FRMPD4: variants seen among roughly 807,000 people sequenced by gnomAD.
FRMPD4 encodes the protein FERM and PDZ domain-containing protein 4.
FRMPD4 carries 22 observed loss-of-function variants against 94.1 expected under a neutral mutation model. That is an observed-to-expected ratio of 0.23 (90% CI 0.17 to 0.33). The LOEUF is 0.33. Ranked by LOEUF, FRMPD4 falls within the 10% of genes least tolerant of loss-of-function variation. The probability of loss-of-function intolerance (pLI) is 1.00; values close to 1 mark genes in which losing one functional copy is unlikely to be tolerated. For missense variants in FRMPD4, 1,111 were observed against 1,339.9 expected (o/e 0.83, Z 2.67); for synonymous variants, 631 against 548.6 (o/e 1.15, Z -2.10).
intron 2 of FRMPD4, among the ~76,000 whole-genome samples, chrX:12,597,866 CAGAG>C (rs1399503988): frequency 8.9e-6 from 1 of 111,928 alleles, no homozygotes; most frequent in Non-Finnish European, 1.9e-5. Flanking sequence ...AAAACTTTGA[CAGAG>C]AGACAAACAA....
chrX:12,122,708 C>T (rs2055466111), intron 3 of FRMPD4, among the ~76,000 whole-genome samples: 1 of 110,268 alleles, frequency 9.1e-6, no homozygotes, highest in African/African-American at 3.3e-5. Context: ...TAAGGTTTGC[C>T]AATAATTGTA....
At chrX:12,369,063 C>G (rs913701856) in intron 1 of FRMPD4, among the ~76,000 whole-genome samples, 1 of 110,544 alleles carries the variant, frequency 9.0e-6, no homozygotes, top group African/African-American at 3.3e-5. Flanking sequence ...GCTACTCTCT[C>G]TCTCTCTTCA....
At chrX:12,260,118 T>C (rs1190044118) in intron 1 of FRMPD4, among the ~76,000 whole-genome samples, 1 of 111,573 alleles carries the variant, frequency 9.0e-6, no homozygotes, top group East Asian at 2.8e-4. Flanking sequence ...TCCCTGGTTG[T>C]CACCTTGGCC....
intron 3 of FRMPD4, among the ~76,000 whole-genome samples, chrX:12,106,941 T>TCTGC: frequency 9.0e-6 from 1 of 111,255 alleles, no homozygotes; most frequent in East Asian, 2.9e-4. Context: ...CTCAAGGAGG[T>TCTGC]CTGCCTGCCT....
At chrX:12,556,887 C>T (rs971717418) in intron 2 of FRMPD4, among the ~76,000 whole-genome samples, 6 of 111,911 alleles carry the variant, frequency 5.4e-5, no homozygotes, top group Non-Finnish European at 1.1e-4. Flanking sequence ...CTGTGTCAAC[C>T]AGGCTGGAGT....
intron 1 of FRMPD4, among the ~76,000 whole-genome samples, chrX:11,861,980 A>C (rs758140600): frequency 9.0e-6 from 1 of 110,969 alleles, no homozygotes; most frequent in East Asian, 2.9e-4. Flanking sequence ...GGCAAAGGAG[A>C]AGCAGGTACG....
chrX:12,700,271 C>T (rs1189750178), intron 9 of FRMPD4, among the ~76,000 whole-genome samples: 2 of 111,307 alleles, frequency 1.8e-5, no homozygotes, highest in Non-Finnish European at 3.8e-5. Flanking sequence ...TTTTGAGCTC[C>T]AACAAAATAT....
intron 3 of FRMPD4, among the ~76,000 whole-genome samples, chrX:12,098,190 G>T: frequency 1.8e-5 from 2 of 110,562 alleles, no homozygotes; most frequent in East Asian, 5.6e-4. Context: ...AGTTAGGGAA[G>T]CCAAAAGGTG....
chrX:12,364,756 C>T (rs148741825), intron 1 of FRMPD4, among the ~76,000 whole-genome samples: 1 of 111,403 alleles, frequency 9.0e-6, no homozygotes, highest in Admixed American at 9.5e-5. Flanking sequence ...ATATGCACCC[C>T]GTCATGTGCG....
intron 1 of FRMPD4, among the ~76,000 whole-genome samples, chrX:12,445,084 T>C (rs988869954): frequency 1.8e-5 from 2 of 112,057 alleles, no homozygotes; most frequent in African/African-American, 6.5e-5. Flanking sequence ...AGGGCTTTCA[T>C]GATGGATGAG....
chrX:12,453,557 G>T (rs920660614), intron 1 of FRMPD4, among the ~76,000 whole-genome samples: 4 of 111,440 alleles, frequency 3.6e-5, no homozygotes, highest in Non-Finnish European at 7.5e-5. Context: ...TTTCATTAGC[G>T]TATCATCCCT....
chrX:12,342,669 T>G (rs2055634628), intron 1 of FRMPD4, among the ~76,000 whole-genome samples: 1 of 112,107 alleles, frequency 8.9e-6, no homozygotes, highest in East Asian at 2.8e-4. Flanking sequence ...CAGATCAACC[T>G]GGTAGGAATG....
intron 4 of FRMPD4, among the ~76,000 whole-genome samples, chrX:12,669,277 G>A (rs1353076234): frequency 9.0e-6 from 1 of 111,715 alleles, no homozygotes; most frequent in African/African-American, 3.3e-5. Context: ...TGGTCCAACA[G>A]CCTAAAGAGG....
In FRMPD4 at chrX:12,717,100, G is replaced by A. The variant is rs141220467; in HGVS notation, c.2641G>A (p.Val881Met). ...STLGALEALS[V>M]SEEQQTSDNS... ...GCTGGGAGCTCTAGAGGCTCTATCC[G>A]TGTCAGAAGAACAGCAGACCAGTGA... The change falls in exon 15 of 17, where the codon GTG becomes ATG. Residue 881 changes from valine (V) to methionine (M), a missense_variant. Physicochemically the swap from Val to Met is conservative, Grantham distance 21 (BLOSUM62 1). Around this residue, in one of 8 missense-constraint regions of FRMPD4, gnomAD observed 74 missense variants for 93.9 expected, o/e 0.79. Coordinates refer to ENST00000675598, the MANE Select transcript of FRMPD4 (RefSeq NM_001368397.1). 2.0e-5 allele frequency: 24 copies of A among 1,184,162 alleles called. No individual in the cohort carries two copies. The East Asian group carries it at 2.4e-4, about 12-fold the overall frequency.
chrX:12,487,367 G>A (rs1222242892), intron 1 of FRMPD4, among the ~76,000 whole-genome samples: 1 of 112,314 alleles, frequency 8.9e-6, no homozygotes, highest in Non-Finnish European at 1.9e-5. Flanking sequence ...ATAAATAAGT[G>A]CAGAGTGATA....
At chrX:11,949,207 G>A (rs1444037260) in intron 3 of FRMPD4, among the ~76,000 whole-genome samples, 2 of 111,966 alleles carry the variant, frequency 1.8e-5, no homozygotes, top group Admixed American at 1.9e-4. Flanking sequence ...TAATGCCACT[G>A]AGTAACATTG....
At chrX:11,978,874 A>G (rs2054381976) in intron 3 of FRMPD4, among the ~76,000 whole-genome samples, 1 of 111,299 alleles carries the variant, frequency 9.0e-6, no homozygotes, top group Admixed American at 9.6e-5. Context: ...CCCTTTCCAT[A>G]CCCTGCCCCC....
intron 3 of FRMPD4, among the ~76,000 whole-genome samples, chrX:11,888,383 C>T (rs954871345): frequency 8.9e-6 from 1 of 112,039 alleles, no homozygotes; most frequent in African/African-American, 3.2e-5. Flanking sequence ...ATATATTTTA[C>T]AATAACCTTG....
At chrX:12,422,374 A>G (rs970376028) in intron 1 of FRMPD4, among the ~76,000 whole-genome samples, 2 of 112,441 alleles carry the variant, frequency 1.8e-5, no homozygotes, top group Non-Finnish European at 3.8e-5. Flanking sequence ...CTCTTATTAC[A>G]TTCACTTTAT....
Sources: allele counts gnomAD v4.1 joint callset (sites outside exome capture counted in the v4.1 genomes callset), GRCh38; gene constraint gnomAD v4.1.1; regional missense constraint gnomAD v4.1.1; transcripts MANE v1.5; gene names NCBI Gene and HGNC (gene_info 2026-07-23, HGNC 2026-07-21).